Variants in NDC1 observed in about 807,000 individuals in gnomAD.
The protein encoded by NDC1 is NDC1 transmembrane nucleoporin, also known as nucleoporin NDC1.
Under a neutral mutation model 89.8 loss-of-function variants are expected in NDC1, and 24 were observed. The ratio of observed to expected loss-of-function variants is 0.27; its 90% CI spans 0.19 to 0.38. The LOEUF is 0.38. Among genes scored for constraint, NDC1 ranks in the 10% least tolerant of loss-of-function variants. The pLI is 1.00. For missense variants in NDC1, 728 were observed against 797.6 expected, an observed-to-expected ratio of 0.91 and a Z score of 1.05; for synonymous variants, 296 against 284.8, an observed-to-expected ratio of 1.04 and a Z score of -0.39.
At position 53,832,985 on chromosome 1, in the gene NDC1, C is replaced by T. The variant is rs1375246092; in HGVS notation, c.179-394G>A. On this transcript the variant is annotated intron_variant, in intron 2 of 17. Transcript: ENST00000371429. The stretch of plus-strand genomic sequence containing the variant: ...AGTGATCATGCCACTGCACTCCAGC[C>T]TAGGCAACAGAGAAAGACCTTGTTT... Among the ~76,000 whole-genome samples the T allele has an allele frequency of 2.0e-5, 3 of 151,970 alleles. No homozygotes were observed. In the East Asian group the frequency reaches 5.8e-4, roughly 29 times the overall value.
chr1:53,835,528 A>G lies in NDC1; in HGVS notation c.150T>C (p.Asp50=). ...TTVFIIFSRI[D]LFHPIQWLSD... ...ACAGCCACTGTATAGGATGAAACAA[A>G]TCAATCCTGCTGAAAATTATAAATA... is the stretch of plus-strand genomic sequence containing the variant. Residue 50 remains aspartate (D), a synonymous_variant, in exon 2 of 18, where the codon GAT becomes GAC. Transcript: ENST00000371429. The G allele has an allele frequency of 6.2e-7, 1 of 1,613,682 alleles. No homozygotes were observed. Among genetic ancestry groups the G allele is most frequent in the Non-Finnish European group, 8.5e-7 (1 of 1,179,730 alleles).
intron 14 of NDC1, among the ~76,000 whole-genome samples, chr1:53,792,006 T>A (rs1271719463): frequency 1.3e-5 from 2 of 151,498 alleles, no homozygotes; most frequent in African/African-American, 4.8e-5. Flanking sequence ...CCAGTGGCTC[T>A]ATCTCGGCTC....
intron 9 of NDC1, among the ~76,000 whole-genome samples, chr1:53,805,600 G>A (rs1648074085): frequency 6.6e-6 from 1 of 152,126 alleles, no homozygotes; most frequent in African/African-American, 2.4e-5. Context: ...TACTTAGATT[G>A]ATTTGTAAAA....
intron 5 of NDC1, among the ~76,000 whole-genome samples, chr1:53,822,598 A>C (rs1325656942): frequency 1.3e-5 from 2 of 151,884 alleles, no homozygotes; most frequent in African/African-American, 2.4e-5. Flanking sequence ...CATTGGTAAC[A>C]ATGGTTACCA....
Position 53,768,040 on chromosome 1 carries a change from G to A in NDC1, c.1962-7C>T. Reference sequence around the variant, plus strand: ...TGCAGATGCTTGCACAGCACTAAATGAAACATAAATTCAAAGCATAAGCTT... The same window carrying A: ...TGCAGATGCTTGCACAGCACTAAATAAAACATAAATTCAAAGCATAAGCTT... On this transcript the variant is annotated splice_polypyrimidine_tract_variant and splice_region_variant and intron_variant, in intron 17 of 17. Transcript: ENST00000371429. 1.3e-6 allele frequency: 2 copies of A among 1,589,200 alleles called. No individual in the cohort carries two copies. Among genetic ancestry groups the A allele is most frequent in the Non-Finnish European group, 8.6e-7 (1 of 1,166,868 alleles).
chr1:53,818,373 G>A (rs1035250911), intron 6 of NDC1, among the ~76,000 whole-genome samples: 11 of 151,864 alleles, frequency 7.2e-5, no homozygotes, highest in South Asian at 2.1e-4. Context: ...CCCAAGAGGC[G>A]GAGGTTGCAG....
intron 1 of NDC1, 124 bp from the exon 2 acceptor site, chr1:53,835,744 C>T: frequency 1.3e-6 from 1 of 750,812 alleles, no homozygotes; most frequent in South Asian, 2.0e-5. Context: ...CTCAAACATT[C>T]ACTACTAGTA....
chr1:53,791,537 T>G (rs1418692923), intron 14 of NDC1, among the ~76,000 whole-genome samples: 1 of 152,146 alleles, frequency 6.6e-6, no homozygotes, highest in South Asian at 2.1e-4. Context: ...CACCATGGAA[T>G]AGTGTGGAAC....
Position 53,788,949 on chromosome 1 carries a change from T to C in NDC1, c.1699+184A>G, listed in dbSNP as rs973071779. Among the ~76,000 whole-genome samples, 3 of 148,804 alleles carry C rather than the reference T, an allele frequency of 2.0e-5. No homozygotes were observed. In the East Asian group the frequency reaches 5.9e-4, roughly 29 times the overall value. ...TTCTCTGCTTACATACAAGAAAAAA[T>C]TGTGCCCAAATCAAAATACGCCTAA... On this transcript the variant is annotated intron_variant, in intron 15 of 17. Coordinates refer to ENST00000371429, the MANE Select transcript of NDC1 (RefSeq NM_018087.5).
chr1:53,797,138 G>C lies in NDC1; in HGVS notation c.1229C>G (p.Thr410Ser). 6.2e-7 allele frequency: 1 copy of C among 1,613,754 alleles called. No homozygotes were observed. Among genetic ancestry groups the C allele is most frequent in the Non-Finnish European group, 8.5e-7 (1 of 1,179,718 alleles). Reference sequence around the variant, plus strand: ...GCTAGATTTTGGTGTCTGAAAAGCAGTTTCTTCTGTAAAACAACAGATCCA... The same window carrying C: ...GCTAGATTTTGGTGTCTGAAAAGCACTTTCTTCTGTAAAACAACAGATCCA... ...EPKKLNSPEE[T>S]AFQTPKSSQM... The change falls in exon 12 of 18, where the codon ACT (threonine) becomes AGT (serine). Residue 410 changes from threonine (T) to serine (S), a missense_variant. Physicochemically the swap from Thr to Ser is moderately conservative, Grantham distance 58. Transcript: ENST00000371429.
intron 3 of NDC1, among the ~76,000 whole-genome samples, chr1:53,830,610 C>T (rs911793480): frequency 6.6e-6 from 1 of 152,114 alleles, no homozygotes; most frequent in Admixed American, 6.5e-5. Flanking sequence ...CTTGTAATCC[C>T]AACACTTTGG....
intron 1 of NDC1, 54 bp downstream of exon 1, chr1:53,838,151 T>G: frequency 2.7e-6 from 4 of 1,506,574 alleles, no homozygotes; most frequent in Non-Finnish European, 3.6e-6. Flanking sequence ...CGATCAGAGC[T>G]TGCCCGCCCG....
chr1:53,782,117 G>C (rs753131149), intron 16 of NDC1, among the ~76,000 whole-genome samples: 1 of 151,968 alleles, frequency 6.6e-6, no homozygotes, highest in African/African-American at 2.4e-5. Flanking sequence ...ATATGTTCTA[G>C]ACAAAAAAGG....
At chr1:53,825,051 G>A (rs963849647) in intron 5 of NDC1, among the ~76,000 whole-genome samples, 9 of 152,126 alleles carry the variant, frequency 5.9e-5, no homozygotes, top group African/African-American at 2.2e-4. Context: ...GTGCACACCT[G>A]TAGTCCCAGA....
intron 16 of NDC1, among the ~76,000 whole-genome samples, chr1:53,778,042 G>A (rs1466299576): frequency 6.6e-6 from 1 of 151,878 alleles, no homozygotes; most frequent in Admixed American, 6.6e-5. Flanking sequence ...AACAAAAGAT[G>A]TAAATCTTTT....
In NDC1 at chr1:53,825,768, T is replaced by C. The variant is rs559953664; in HGVS notation, c.594+30A>G. ...AGGCAATTTTACCTCAGCCAAATTT[T>C]GACATCAAGTAATGCTCAAATGATC... is the stretch of plus-strand genomic sequence containing the variant. On this transcript the variant is annotated intron_variant, in intron 5 of 17. Transcript: ENST00000371429. The C allele has an allele frequency of 1.8e-5, 28 of 1,547,244 alleles. No individual in the cohort carries two copies. The African/African-American group carries it at 2.8e-4, about 15-fold the overall frequency.
intron 6 of NDC1, among the ~76,000 whole-genome samples, chr1:53,818,388 C>G (rs2100678602): frequency 6.6e-6 from 1 of 151,824 alleles, no homozygotes; most frequent in South Asian, 2.1e-4. Context: ...TTGCAGTGAG[C>G]CAAGATCGCG....
chr1:53,825,648 T>TA, intron 5 of NDC1, 150 bp downstream of exon 5: 1 of 659,538 alleles, frequency 1.5e-6, no homozygotes. Context: ...GACAAATCTC[T>TA]TCTCGCTAAA....
rs1647400058 is a variant in NDC1, at chr1:53,789,048, G to T, written c.1699+85C>A. On this transcript the variant is annotated intron_variant, in intron 15 of 17. Transcript: ENST00000371429. Reference sequence around the variant, plus strand: ...CTGTACATTCAAAGACTGAAATCAAGGACCAGAACTGACCTTTCATGAATT... The same window carrying T: ...CTGTACATTCAAAGACTGAAATCAATGACCAGAACTGACCTTTCATGAATT... 3.5e-6 allele frequency: 3 copies of T among 854,584 alleles called. No individual in the cohort carries two copies. In the East Asian group the frequency reaches 7.7e-5, roughly 22 times the overall value. 52.9% of individuals were successfully genotyped at this position (854,584 alleles called of 1,614,324 possible).
Sources: allele counts gnomAD v4.1 joint callset (sites outside exome capture counted in the v4.1 genomes callset), GRCh38; gene constraint gnomAD v4.1.1; transcripts MANE v1.5; gene names NCBI Gene and HGNC (gene_info 2026-07-23, HGNC 2026-07-21).